WSCD2: variants seen among roughly 807,000 people sequenced by gnomAD.
WSCD2 encodes sialate:O-sulfotransferase 2.
WSCD2 carries 28 observed loss-of-function variants against 55.7 expected under a neutral mutation model. The ratio of observed to expected loss-of-function variants is 0.50; its 90% confidence interval spans 0.37 to 0.69. WSCD2 has a LOEUF of 0.69. Ranked by LOEUF, WSCD2 falls within the 30% of genes least tolerant of loss-of-function variation. The probability of loss-of-function intolerance (pLI) is 0.00; values close to 1 mark genes in which losing one functional copy is unlikely to be tolerated. For missense variants in WSCD2, 616 were observed against 762.1 expected (o/e 0.81, Z 2.26); for synonymous variants, 301 against 301.9 (o/e 1.00, Z 0.03).
At chr12:108,129,976 G>A (rs3751213) in intron 1 of WSCD2, 50 bp downstream of exon 1, 27,035 of 152,314 alleles carry the variant, frequency 0.18, 2,711 homozygotes, top group Non-Finnish European at 0.22. Context: ...GGAGGGAGCC[G>A]GGCGCGGAGC....
intron 1 of WSCD2, among the ~76,000 whole-genome samples, chr12:108,193,005 T>G (rs1245420953): frequency 6.6e-6 from 1 of 152,014 alleles, no homozygotes; most frequent in African/African-American, 2.4e-5. Flanking sequence ...AGAATAGACA[T>G]ACGGTTAGGA....
At position 108,173,816 on chromosome 12, in the gene WSCD2, G is replaced by C. The variant is rs1430185800; in HGVS notation, c.-551-21466G>C. ...AGAGCTGATTCCTGGCTCTCTGTGTGTGTGTGTGTGTGTGTGTGTGTGTGT... is the reference window on the plus strand; with the variant it reads ...AGAGCTGATTCCTGGCTCTCTGTGTCTGTGTGTGTGTGTGTGTGTGTGTGT... On this transcript the variant is annotated intron_variant, in intron 1 of 8. Coordinates refer to ENST00000547525, the MANE Select transcript of WSCD2 (RefSeq NM_014653.4). 1.2e-3 allele frequency among the ~76,000 whole-genome samples: 162 copies of C among 139,020 alleles called. 1 individual carries two copies. The highest frequency in any genetic ancestry group is 8.1e-3 in the Middle Eastern group (2 of 246). 91.2% of individuals were successfully genotyped at this position (139,020 alleles called of 152,430 possible).
chr12:108,167,432 C>T (rs1199216014), intron 1 of WSCD2: 1 of 152,192 alleles, frequency 6.6e-6, no homozygotes, highest in African/African-American at 2.4e-5. Context: ...CAGATGTTCG[C>T]TTGTGTGTTC....
intron 1 of WSCD2, among the ~76,000 whole-genome samples, chr12:108,169,310 GA>G (rs1879980001): frequency 6.6e-6 from 1 of 152,112 alleles, no homozygotes. Context: ...TAATACACAT[GA>G]ATCATCCAGA....
intron 3 of WSCD2, among the ~76,000 whole-genome samples, chr12:108,209,220 A>C (rs1375929811): frequency 6.6e-6 from 1 of 152,214 alleles, no homozygotes; most frequent in African/African-American, 2.4e-5. Context: ...TTTTATTTTT[A>C]GGAATAAATA....
intron 1 of WSCD2, among the ~76,000 whole-genome samples, chr12:108,132,032 A>G (rs1875585241): frequency 6.6e-6 from 1 of 151,972 alleles, no homozygotes; most frequent in African/African-American, 2.4e-5. Flanking sequence ...AGTGTCTTAC[A>G]GCATTGTGTG....
chr12:108,231,654 C>T (rs1023463229), intron 6 of WSCD2, among the ~76,000 whole-genome samples: 4 of 152,182 alleles, frequency 2.6e-5, no homozygotes, highest in African/African-American at 9.7e-5. Context: ...TTGTTATCCA[C>T]CCAGTCACCA....
intron 4 of WSCD2, among the ~76,000 whole-genome samples, chr12:108,219,183 G>C (rs1329172225): frequency 6.6e-6 from 1 of 152,122 alleles, no homozygotes; most frequent in African/African-American, 2.4e-5. Flanking sequence ...ACACCTTATG[G>C]TAAGACTTGC....
chr12:108,219,570 T>C (rs1185982311), intron 4 of WSCD2, among the ~76,000 whole-genome samples: 1 of 152,072 alleles, frequency 6.6e-6, no homozygotes, highest in Non-Finnish European at 1.5e-5. Flanking sequence ...CCTGCCCCCA[T>C]TAATGCACAG....
At position 108,248,426 on chromosome 12, in the gene WSCD2, A is replaced by T. The variant is rs1890238449; in HGVS notation, c.*83A>T. The T allele has an allele frequency of 3.3e-6, 5 of 1,506,156 alleles. No homozygotes were observed. The highest frequency in any genetic ancestry group is 1.4e-5 in the African/African-American group (1 of 72,060). 93.3% of individuals were successfully genotyped at this position (1,506,156 alleles called of 1,614,324 possible). A position where few individuals can be genotyped will look rare whatever the true frequency, so the allele number is the denominator to read the frequency against. ...TCAAGACCCCTGGTTACCCCCACTC[A>T]TCTGTCCTCTCTTTGGTCTGGGGAC... On this transcript the variant is annotated 3_prime_UTR_variant, in exon 9 of 9. Transcript: ENST00000547525. The surrounding 1 kb of genome is among the most constrained non-coding windows in gnomAD (Gnocchi z 4.3).
Position 108,250,200 on chromosome 12 carries a change from ATG to A in WSCD2, c.*1858_*1859del, listed in dbSNP as rs1491506634. Reference sequence around the variant, plus strand: ...TGTGTGTGTGTGTGTGTGTGTGTGTATGAGAGAGAGAGAGAGAGACAACAGAG... The same window carrying A: ...TGTGTGTGTGTGTGTGTGTGTGTGTAAGAGAGAGAGAGAGAGACAACAGAG... On this transcript the variant is annotated 3_prime_UTR_variant, in exon 9 of 9. Transcript: ENST00000547525. The A allele has an allele frequency of 1.0e-5, 1 of 100,288 alleles. No individual in the cohort carries two copies. The highest frequency in any genetic ancestry group is 2.2e-5 in the Non-Finnish European group (1 of 45,016). The allele number at this position is 100,288 out of a possible 1,614,324, so 6.2% of individuals were successfully genotyped here.
chr12:108,229,969 G>A (rs1237955939), intron 6 of WSCD2, among the ~76,000 whole-genome samples: 1 of 151,498 alleles, frequency 6.6e-6, no homozygotes, highest in Non-Finnish European at 1.5e-5. Context: ...ATTAACTTTT[G>A]CTGTATTTAC....
intron 1 of WSCD2, among the ~76,000 whole-genome samples, chr12:108,184,840 A>G (rs1463243675): frequency 1.3e-5 from 2 of 152,218 alleles, no homozygotes; most frequent in Non-Finnish European, 2.9e-5. Context: ...TCCAAGCCTC[A>G]GTTTCCCCTT....
At chr12:108,166,761 T>TTCTTTCTTTCTTTC (rs1879667050) in intron 1 of WSCD2, among the ~76,000 whole-genome samples, 19 of 124,886 alleles carry the variant, frequency 1.5e-4, no homozygotes, top group Admixed American at 5.3e-4. Context: ...TCTTTCTTTC[T>TTCTTTCTTTCTTTC]TTTCTTTCTT....
At chr12:108,131,592 G>C (rs1875513085) in intron 1 of WSCD2, 1 of 152,274 alleles carries the variant, frequency 6.6e-6, no homozygotes, top group South Asian at 2.1e-4. Context: ...CGGTGCCAAG[G>C]CTACCTGCTT....
intron 1 of WSCD2, among the ~76,000 whole-genome samples, chr12:108,185,171 G>T (rs1332700619): frequency 6.6e-6 from 1 of 152,178 alleles, no homozygotes; most frequent in Non-Finnish European, 1.5e-5. Flanking sequence ...CAAGCACCTG[G>T]ACCTTGGACC....
chr12:108,187,618 A>G (rs1365315), intron 1 of WSCD2, among the ~76,000 whole-genome samples: 106,524 of 152,140 alleles, frequency 0.7, 40,140 homozygotes, highest in East Asian at 0.9. Flanking sequence ...TGTAAGGATT[A>G]CAAGTTACTC....
At position 108,178,457 on chromosome 12, in the gene WSCD2, G is replaced by C. The variant is rs74353256; in HGVS notation, c.-551-16825G>C. On this transcript the variant is annotated intron_variant, in intron 1 of 8. Transcript: ENST00000547525. ...GCCTTTGCCTGACCCTTCAAATCAT[G>C]ACACGATTGTTCCTTGCTATGCACT... 1.7e-4 allele frequency among the ~76,000 whole-genome samples: 26 copies of C among 152,242 alleles called. 1 individual carries two copies. The East Asian group carries it at 5.0e-3, about 29-fold the overall frequency.
At chr12:108,138,021 G>A (rs906033713) in intron 1 of WSCD2, among the ~76,000 whole-genome samples, 1 of 152,210 alleles carries the variant, frequency 6.6e-6, no homozygotes, top group African/African-American at 2.4e-5. Context: ...ACTGAGGACA[G>A]CTGTACATGA....
Sources: allele counts gnomAD v4.1 joint callset (sites outside exome capture counted in the v4.1 genomes callset), GRCh38; gene constraint gnomAD v4.1.1; non-coding constraint Gnocchi (gnomAD v3.1); transcripts MANE v1.5; gene names NCBI Gene and HGNC (gene_info 2026-07-23, HGNC 2026-07-21).